Variants in TOGARAM1 observed in about 807,000 individuals in gnomAD.
TOGARAM1 encodes the protein TOG array regulator of axonemal microtubules 1.
Under a neutral mutation model 166.6 loss-of-function variants are expected in TOGARAM1, and 100 were observed. The ratio of observed to expected loss-of-function variants is 0.60; its 90% confidence interval spans 0.51 to 0.71. The LOEUF is 0.71. Ranked by LOEUF, TOGARAM1 falls within the 30% of genes least tolerant of loss-of-function variation. TOGARAM1 has a pLI of 0.00. For synonymous variants in TOGARAM1, 758 were observed against 763.8 expected (o/e 0.99, Z 0.13); for missense variants, 2,029 against 2,102.7 (o/e 0.96, Z 0.69).
In TOGARAM1 at chr14:45,044,706, A is replaced by AT; in HGVS notation, c.3990_3991insT (p.Lys1331Ter). The AT allele has an allele frequency of 6.2e-7, 1 of 1,614,050 alleles. No homozygotes were observed. Among genetic ancestry groups the AT allele is most frequent in the Non-Finnish European group, 8.5e-7 (1 of 1,179,996 alleles). On this transcript the variant is annotated frameshift_variant, in exon 13 of 20. Transcript: ENST00000361462. LOFTEE classifies it high-confidence loss of function. ...TAAGTGATCTTTTCACTTATTTGAA[A>AT]AAGAGCATGGATCAAGAGCTAGATA... is the stretch of plus-strand genomic sequence containing the variant.
rs1413115244 is a variant in TOGARAM1, at chr14:44,962,515, G to C, written c.94G>C (p.Glu32Gln). The C allele has an allele frequency of 6.2e-7, 1 of 1,613,320 alleles. No individual in the cohort carries two copies. The highest frequency in any genetic ancestry group is 1.7e-5 in the Admixed American group (1 of 59,990). ...LQSRSRPSAPETDDSRVGGIM... is the reference protein window; with the variant it reads ...LQSRSRPSAPQTDDSRVGGIM... ...GAGCCGCAGTCGTCCTTCCGCCCCA[G>C]AGACCGATGATAGTCGAGTTGGGGG... Residue 32 changes from glutamate (E) to glutamine (Q), a missense_variant, in exon 1 of 20, where the codon GAG becomes CAG. This residue lies in a region of TOGARAM1 where 1,453 missense variants were observed against 1,432.2 expected (regional missense o/e 1.01). Transcript: ENST00000361462.
chr14:45,023,281 G>A (rs1325710082), intron 7 of TOGARAM1, among the ~76,000 whole-genome samples: 2 of 152,168 alleles, frequency 1.3e-5, no homozygotes, highest in Admixed American at 6.5e-5. Flanking sequence ...TTTCTTCATT[G>A]TCTGGAAGAA....
At chr14:45,072,181 G>A (rs1883415194) in intron 19 of TOGARAM1, among the ~76,000 whole-genome samples, 1 of 152,134 alleles carries the variant, frequency 6.6e-6, no homozygotes, top group East Asian at 1.9e-4. Flanking sequence ...AAAATTCTCA[G>A]GCAAAATGCT....
chr14:45,068,315 T>C, intron 17 of TOGARAM1, 109 bp from the exon 18 acceptor site: 1 of 785,262 alleles, frequency 1.3e-6, no homozygotes, highest in Non-Finnish European at 1.9e-6. Context: ...GTTGTGTATA[T>C]ATTTAAACTG....
At chr14:45,048,995 C>T (rs769276270) in intron 14 of TOGARAM1, among the ~76,000 whole-genome samples, 3 of 147,770 alleles carry the variant, frequency 2.0e-5, no homozygotes, top group African/African-American at 7.6e-5. Context: ...CCAGAACATC[C>T]GCCCAGTAGG....
At chr14:45,041,399 TCAAAA>T (rs1033893492) in intron 11 of TOGARAM1, among the ~76,000 whole-genome samples, 16 of 152,174 alleles carry the variant, frequency 1.1e-4, no homozygotes, top group African/African-American at 3.4e-4. Context: ...AGACTCCCTC[TCAAAA>T]CAAAACAAAA....
chr14:45,055,982 G>A (rs542450244), intron 16 of TOGARAM1, among the ~76,000 whole-genome samples: 20 of 151,712 alleles, frequency 1.3e-4, no homozygotes, highest in Admixed American at 5.9e-4. Context: ...CAGTATGGTC[G>A]TTTTAATTAT....
At position 44,964,343 on chromosome 14, in the gene TOGARAM1, G is replaced by C. The variant is rs1355364490; in HGVS notation, c.1922G>C (p.Ser641Thr). The stretch of plus-strand genomic sequence containing the variant: ...AGCATGCACATTTATGGATCTTACA[G>C]CCCAACTATCTGTACCCGAAGGGTA... ...RDSMHIYGSY[S>T]PTICTRRVLS... Residue 641 changes from serine (S) to threonine (T), a missense_variant, in exon 1 of 20, where the codon AGC becomes ACC. Ser to Thr is a moderately conservative substitution (Grantham distance 58, BLOSUM62 1). Coordinates refer to ENST00000361462, the MANE Select transcript of TOGARAM1 (RefSeq NM_001308120.2). 1 of 1,614,126 alleles carries C rather than the reference G, an allele frequency of 6.2e-7. No individual in the cohort carries two copies. The highest frequency in any genetic ancestry group is 1.1e-5 in the South Asian group (1 of 91,076).
In TOGARAM1 at chr14:45,071,800, T is replaced by C; in HGVS notation, c.5056+2T>C. 6.3e-7 allele frequency: 1 copy of C among 1,599,478 alleles called. No individual in the cohort carries two copies. Among genetic ancestry groups the C allele is most frequent in the Non-Finnish European group, 8.5e-7 (1 of 1,174,362 alleles). On this transcript the variant is annotated splice_donor_variant, in intron 19 of 19. Transcript: ENST00000361462. LOFTEE classifies it high-confidence loss of function. ...AGGACATGACGGAAAAGCTTGCTGG[T>C]AAATACTTTGTAATTTCTAAAGAAA...
At chr14:45,020,284 A>G (rs1238942096) in intron 7 of TOGARAM1, among the ~76,000 whole-genome samples, 3 of 152,148 alleles carry the variant, frequency 2.0e-5, no homozygotes, top group Non-Finnish European at 4.4e-5. Flanking sequence ...TAACATAATA[A>G]CAGCATTCTT....
chr14:44,970,881 A>G (rs552688288), intron 1 of TOGARAM1, among the ~76,000 whole-genome samples: 1 of 152,206 alleles, frequency 6.6e-6, no homozygotes, highest in Non-Finnish European at 1.5e-5. Flanking sequence ...TACCTGGGAT[A>G]AATTCCACTT....
chr14:44,992,611 C>CTTTTTTTTTTTTT (rs376434047), intron 1 of TOGARAM1, among the ~76,000 whole-genome samples: 1 of 91,324 alleles, frequency 1.1e-5, no homozygotes, highest in African/African-American at 4.9e-5. Flanking sequence ...TTTTTGTAAT[C>CTTTTTTTTTTTTT]TTTTTTTTTT....
At chr14:45,047,174 G>A (rs1023761193) in intron 14 of TOGARAM1, among the ~76,000 whole-genome samples, 8 of 151,556 alleles carry the variant, frequency 5.3e-5, no homozygotes, top group East Asian at 3.9e-4. Flanking sequence ...GGTGGATCAC[G>A]AGATCAGGAG....
Position 44,994,310 on chromosome 14 carries a change from G to A in TOGARAM1, c.2047-1436G>A, listed in dbSNP as rs576737141. Among the ~76,000 whole-genome samples, 12 of 152,074 alleles carry A rather than the reference G, an allele frequency of 7.9e-5. 1 individual carries two copies. In the South Asian group the frequency reaches 2.3e-3, roughly 29 times the overall value. ...ATTTTTGTATTTTTACTATGGATGG[G>A]GTTTCACCATGTTAGCCAGGCTGGT... On this transcript the variant is annotated intron_variant, in intron 1 of 19. Transcript: ENST00000361462.
At chr14:45,027,518 T>C in intron 9 of TOGARAM1, 44 bp downstream of exon 9, 1 of 1,475,116 alleles carries the variant, frequency 6.8e-7, no homozygotes. Flanking sequence ...AAGCTTACAG[T>C]ATGTCATTGT....
intron 18 of TOGARAM1, among the ~76,000 whole-genome samples, chr14:45,071,488 C>G (rs548684344): frequency 6.6e-6 from 1 of 152,036 alleles, no homozygotes; most frequent in Admixed American, 6.5e-5. Flanking sequence ...CTCCTGGGCT[C>G]AAATGATCCT....
intron 11 of TOGARAM1, among the ~76,000 whole-genome samples, chr14:45,034,984 G>A (rs1424632751): frequency 2.0e-5 from 3 of 152,112 alleles, no homozygotes; most frequent in African/African-American, 7.2e-5. Flanking sequence ...TGGAGGAAAG[G>A]TTGAGCAAGT....
chr14:45,032,719 A>G (rs1881231154), intron 11 of TOGARAM1, among the ~76,000 whole-genome samples: 1 of 152,154 alleles, frequency 6.6e-6, no homozygotes, highest in South Asian at 2.1e-4. Flanking sequence ...ACCTGCTCCT[A>G]TTGTAGTGAT....
chr14:45,026,899 G>A (rs1214307429), intron 8 of TOGARAM1, among the ~76,000 whole-genome samples: 1 of 151,676 alleles, frequency 6.6e-6, no homozygotes, highest in African/African-American at 2.4e-5. Flanking sequence ...TCCTAGCTAC[G>A]CAGGAGGCTG....
Sources: allele counts gnomAD v4.1 joint callset (sites outside exome capture counted in the v4.1 genomes callset), GRCh38; gene constraint gnomAD v4.1.1; regional missense constraint gnomAD v4.1.1; transcripts MANE v1.5; gene names NCBI Gene and HGNC (gene_info 2026-07-23, HGNC 2026-07-21).